The following AMOTL1 variants were observed in gnomAD, a reference collection of about 807,000 sequenced individuals.
The protein encoded by AMOTL1 is angiomotin like 1.
In AMOTL1, 45 loss-of-function variants were observed where a neutral mutation model predicts 102.9. That is an observed-to-expected ratio of 0.44 (90% confidence interval 0.34 to 0.56). The LOEUF (loss-of-function observed/expected upper bound fraction) is 0.56, where lower values mean the gene tolerates loss of function less well. AMOTL1 is among the 20% of genes least tolerant of loss of function. The pLI, the probability that AMOTL1 is intolerant of heterozygous loss-of-function variation, is 0.01. For missense variants in AMOTL1, 1,114 were observed against 1,225.6 expected (o/e 0.91, Z 1.36); for synonymous variants, 481 against 484.7 (o/e 0.99, Z 0.10).
At chr11:94,818,131 G>T (rs995955275) in intron 3 of AMOTL1, among the ~76,000 whole-genome samples, 2 of 152,186 alleles carry the variant, frequency 1.3e-5, no homozygotes, top group African/African-American at 4.8e-5. Flanking sequence ...CACAATTGGA[G>T]ACACTGGTTA....
At chr11:94,751,798 A>ACACACT (rs539759630) in intron 3 of AMOTL1, among the ~76,000 whole-genome samples, 144 of 151,516 alleles carry the variant, frequency 9.5e-4, no homozygotes, top group African/African-American at 3.3e-3. Flanking sequence ...ACACACACAC[A>ACACACT]CACGTGCACA....
At chr11:94,870,620 T>G in intron 12 of AMOTL1, 69 bp from the exon 13 acceptor site, 1 of 1,302,458 alleles carries the variant, frequency 7.7e-7, no homozygotes, top group Non-Finnish European at 1.1e-6. Flanking sequence ...TGGGTCCATT[T>G]TAGAGAACCT....
chr11:94,820,579 G>C (rs1488192785), intron 3 of AMOTL1, among the ~76,000 whole-genome samples: 1 of 152,172 alleles, frequency 6.6e-6, no homozygotes, highest in East Asian at 1.9e-4. Context: ...AGACAATCGC[G>C]GGGTTGGAGT....
At chr11:94,754,751 C>T (rs1459824609) in intron 3 of AMOTL1, among the ~76,000 whole-genome samples, 1 of 152,072 alleles carries the variant, frequency 6.6e-6, no homozygotes. Context: ...TTGGTATTTG[C>T]CAGACTTAGG....
At chr11:94,792,985 C>G (rs1206733921) in intron 1 of AMOTL1, among the ~76,000 whole-genome samples, 1 of 152,064 alleles carries the variant, frequency 6.6e-6, no homozygotes, top group Non-Finnish European at 1.5e-5. Context: ...CAGTGAATGG[C>G]TTAGTGCTGG....
At chr11:94,844,106 A>G (rs1952360076) in intron 6 of AMOTL1, among the ~76,000 whole-genome samples, 1 of 152,052 alleles carries the variant, frequency 6.6e-6, no homozygotes, top group South Asian at 2.1e-4. Context: ...AGCATTTCTG[A>G]GGTTCATTGT....
intron 6 of AMOTL1, among the ~76,000 whole-genome samples, chr11:94,841,261 G>T (rs922079493): frequency 6.6e-6 from 1 of 152,050 alleles, no homozygotes; most frequent in Non-Finnish European, 1.5e-5. Context: ...GCCAACACCT[G>T]GCCAACACCA....
intron 3 of AMOTL1, among the ~76,000 whole-genome samples, chr11:94,747,370 T>G (rs1347413587): frequency 6.6e-6 from 1 of 151,784 alleles, no homozygotes; most frequent in East Asian, 2.0e-4. Flanking sequence ...AGGAGAGGAG[T>G]GTGTCATGAG....
At chr11:94,794,192 T>C (rs1374557349) in intron 1 of AMOTL1, among the ~76,000 whole-genome samples, 2 of 152,186 alleles carry the variant, frequency 1.3e-5, no homozygotes, top group Non-Finnish European at 2.9e-5. Context: ...TTCCCCAGAG[T>C]AAAATAAGTT....
chr11:94,833,320 G>A (rs1490761114), intron 6 of AMOTL1, among the ~76,000 whole-genome samples: 1 of 152,168 alleles, frequency 6.6e-6, no homozygotes, highest in African/African-American at 2.4e-5. Flanking sequence ...ATTTACATTA[G>A]TTTTTCCTCT....
At chr11:94,742,094 G>A (rs1950535144) in intron 3 of AMOTL1, among the ~76,000 whole-genome samples, 1 of 152,196 alleles carries the variant, frequency 6.6e-6, no homozygotes, top group Admixed American at 6.5e-5. Flanking sequence ...TTCTGTGGCT[G>A]GGAGGAGTAC....
At chr11:94,795,202 A>T in intron 2 of AMOTL1, 42 bp downstream of exon 2, 2 of 1,605,758 alleles carry the variant, frequency 1.2e-6, no homozygotes, top group Non-Finnish European at 8.5e-7. Context: ...AAGCAAAATG[A>T]TCTTACGTTT....
At chr11:94,822,737 G>T (rs1951889421) in intron 4 of AMOTL1, among the ~76,000 whole-genome samples, 1 of 152,166 alleles carries the variant, frequency 6.6e-6, no homozygotes, top group Admixed American at 6.5e-5. Context: ...GTAAATAGGG[G>T]AACGTCCAGC....
At chr11:94,784,968 CAAAA>C (rs3031880) in intron 1 of AMOTL1, among the ~76,000 whole-genome samples, 1 of 146,750 alleles carries the variant, frequency 6.8e-6, no homozygotes. Flanking sequence ...AAATAATGTG[CAAAA>C]AAAAAAAAAG....
chr11:94,782,477 A>T (rs964815271), intron 1 of AMOTL1, among the ~76,000 whole-genome samples: 5 of 152,204 alleles, frequency 3.3e-5, no homozygotes, highest in Non-Finnish European at 2.9e-5. Flanking sequence ...TCTATAATTC[A>T]TTGAACCATT....
At position 94,847,231 on chromosome 11, in the gene AMOTL1, G is replaced by T. The variant is rs79575625; in HGVS notation, c.1649-2883G>T. Among the ~76,000 whole-genome samples, 360 of 152,146 alleles carry T rather than the reference G, an allele frequency of 2.4e-3. 2 individuals are homozygous for T. Among genetic ancestry groups the T allele is most frequent in the African/African-American group, 8.4e-3 (349 of 41,436 alleles). ...AGCCTGGGCAGAGGAAGGAACCAGA[G>T]GTATCCATGGTCAGTACCAGCCATC... On this transcript the variant is annotated intron_variant, in intron 6 of 12. Transcript: ENST00000433060.
intron 1 of AMOTL1, among the ~76,000 whole-genome samples, chr11:94,771,133 T>A (rs1025770213): frequency 6.6e-6 from 1 of 152,020 alleles, no homozygotes; most frequent in African/African-American, 2.4e-5. Flanking sequence ...TAGTGAAAAT[T>A]GTAAAAGTTT....
At chr11:94,857,135 A>C (rs1316865179) in intron 8 of AMOTL1, among the ~76,000 whole-genome samples, 1 of 152,162 alleles carries the variant, frequency 6.6e-6, no homozygotes, top group Admixed American at 6.5e-5. Context: ...TCTGAGCCTC[A>C]ACTTCCTTGT....
At position 94,860,861 on chromosome 11, in the gene AMOTL1, G is replaced by A. The variant is rs147602058; in HGVS notation, c.2135+1146G>A. 3.6e-3 allele frequency among the ~76,000 whole-genome samples: 541 copies of A among 152,268 alleles called. 4 individuals carry two copies. The highest frequency in any genetic ancestry group is 0.012 in the African/African-American group (502 of 41,550). ...GGGTTACTATATTTTTAATGACTAC[G>A]AGAAGGCCTGTTGGGGTGCAGAGGG... On this transcript the variant is annotated intron_variant, in intron 9 of 12. Coordinates refer to ENST00000433060, the MANE Select transcript of AMOTL1 (RefSeq NM_130847.3).
Sources: gnomAD v4.1 joint callset for allele counts (sites outside exome capture counted in the v4.1 genomes callset) on GRCh38, gnomAD v4.1.1 for gene constraint, MANE v1.5 for transcripts, NCBI Gene and HGNC (gene_info 2026-07-23, HGNC 2026-07-21) for gene names.